DIAPH2: variants seen among roughly 807,000 people sequenced by gnomAD.
DIAPH2 encodes the protein diaphanous related formin 2, also known as protein diaphanous homolog 2.
DIAPH2 carries 35 observed loss-of-function variants against 92.7 expected under a neutral mutation model. The ratio of observed to expected loss-of-function variants is 0.38; its 90% confidence interval spans 0.29 to 0.50. The LOEUF is 0.50. Among genes scored for constraint, DIAPH2 ranks in the 20% least tolerant of loss-of-function variants. The pLI, the probability that DIAPH2 is intolerant of heterozygous loss-of-function variation, is 0.94. For synonymous variants in DIAPH2, 301 were observed against 280.4 expected (o/e 1.07, Z -0.73); for missense variants, 701 against 819.5 (o/e 0.86, Z 1.77).
chrX:97,237,077 T>A (rs976056297), intron 22 of DIAPH2, among the ~76,000 whole-genome samples: 6 of 112,377 alleles, frequency 5.3e-5, no homozygotes, highest in African/African-American at 1.6e-4. Context: ...TATAAACATA[T>A]ACTCAAAATT....
rs186357117 is a variant in DIAPH2, at chrX:96,957,301, G to A, written c.1615-527G>A. 7.7e-3 allele frequency among the ~76,000 whole-genome samples: 871 copies of A among 112,447 alleles called. 28 individuals are homozygous for A. The highest frequency in any genetic ancestry group is 0.061 in the Admixed American group (644 of 10,638). On this transcript the variant is annotated intron_variant, in intron 15 of 26. Transcript: ENST00000324765. ...CTCCCAAAGTGTTAGGATTACAGGC[G>A]TGAGCCACCGCACCTGGCTGAGACT...
rs1159049051 is a variant in DIAPH2 at position 97,125,471 on chromosome X, C to CAA, written c.2589+10533_2589+10534dup. ...TGGGTGACAGAGAGTGACTCCGTCT[C>CAA]AAAAAAAAAAAAAAAAAAAAAAAAA... On this transcript the variant is annotated intron_variant, in intron 21 of 26. Coordinates refer to ENST00000324765, the MANE Select transcript of DIAPH2 (RefSeq NM_006729.5). Among the ~76,000 whole-genome samples, 71 of 19,200 alleles carry CAA rather than the reference C, an allele frequency of 3.7e-3. 4 individuals are homozygous for CAA. The highest frequency in any genetic ancestry group is 6.5e-3 in the Non-Finnish European group (33 of 5,091). 16.7% of individuals were successfully genotyped at this position (19,200 alleles called of 115,157 possible).
chrX:97,278,100 T>C (rs1212241516), intron 23 of DIAPH2, among the ~76,000 whole-genome samples: 2 of 112,316 alleles, frequency 1.8e-5, no homozygotes, highest in Admixed American at 9.5e-5. Flanking sequence ...TGCCTCGGCC[T>C]CCCAAAGTGC....
chrX:96,985,667 T>C (rs747247038), intron 17 of DIAPH2, among the ~76,000 whole-genome samples: 1 of 111,332 alleles, frequency 9.0e-6, no homozygotes, highest in East Asian at 2.8e-4. Context: ...ATATGTGTAT[T>C]GATCATTATT....
At chrX:97,109,387 A>C (rs2066964019) in intron 20 of DIAPH2, among the ~76,000 whole-genome samples, 1 of 111,383 alleles carries the variant, frequency 9.0e-6, no homozygotes, top group Non-Finnish European at 1.9e-5. Flanking sequence ...ACCCTACAGC[A>C]CTCCAGCTTG....
intron 23 of DIAPH2, among the ~76,000 whole-genome samples, chrX:97,266,602 A>G (rs2068339083): frequency 2.7e-5 from 3 of 112,199 alleles, no homozygotes; most frequent in African/African-American, 9.7e-5. Context: ...ATTCTCTGCC[A>G]TAATCTAATT....
chrX:96,764,058 T>C (rs1211345952), intron 4 of DIAPH2, among the ~76,000 whole-genome samples: 1 of 110,686 alleles, frequency 9.0e-6, no homozygotes, highest in Admixed American at 9.7e-5. Context: ...ATTTATTTAG[T>C]GCTTATTATA....
chrX:97,011,824 G>A (rs1208539736), intron 17 of DIAPH2, among the ~76,000 whole-genome samples: 2 of 102,630 alleles, frequency 1.9e-5, no homozygotes, highest in Admixed American at 2.1e-4. Flanking sequence ...CCTGGGAGGT[G>A]GAGGTTGCAG....
intron 26 of DIAPH2, among the ~76,000 whole-genome samples, chrX:97,578,093 C>CT (rs201313921): frequency 0.038 from 3,450 of 90,764 alleles, 65 homozygotes; most frequent in Non-Finnish European, 0.055. Flanking sequence ...TGTTTTCTTT[C>CT]TTTTTTTTTT....
At chrX:97,195,571 G>C (rs1433167385) in intron 22 of DIAPH2, among the ~76,000 whole-genome samples, 1 of 106,558 alleles carries the variant, frequency 9.4e-6, no homozygotes, top group Non-Finnish European at 1.9e-5. Flanking sequence ...TGAGACAGGA[G>C]AATCGCTTGA....
At chrX:96,795,587 G>T (rs233664) in intron 4 of DIAPH2, among the ~76,000 whole-genome samples, 1 of 111,630 alleles carries the variant, frequency 9.0e-6, no homozygotes, top group African/African-American at 3.3e-5. Flanking sequence ...TCTATTTTTA[G>T]TTCTATCAGT....
chrX:96,889,539 A>T (rs1421301221), intron 5 of DIAPH2, among the ~76,000 whole-genome samples: 5 of 112,224 alleles, frequency 4.5e-5, no homozygotes, highest in African/African-American at 1.6e-4. Context: ...ACTTAATATT[A>T]TGTGGTTTGT....
chrX:96,829,963 GA>G (rs1424495284), intron 4 of DIAPH2, among the ~76,000 whole-genome samples: 5 of 108,822 alleles, frequency 4.6e-5, no homozygotes, highest in Admixed American at 9.8e-5. Context: ...GAATAGCCAG[GA>G]AAAAACTGGA....
intron 23 of DIAPH2, among the ~76,000 whole-genome samples, chrX:97,291,540 T>C (rs1288885181): frequency 9.6e-6 from 1 of 104,545 alleles, no homozygotes; most frequent in Admixed American, 1.0e-4. Flanking sequence ...AAGTAAACAC[T>C]TTTTTTTTTT....
At chrX:97,111,726 T>C (rs621055) in intron 20 of DIAPH2, among the ~76,000 whole-genome samples, 4,894 of 111,597 alleles carry the variant, frequency 0.044, 264 homozygotes, top group African/African-American at 0.15. Context: ...CAACCAATCA[T>C]ACTTACTGCT....
At chrX:96,783,928 T>A (rs752983947) in intron 4 of DIAPH2, among the ~76,000 whole-genome samples, 11 of 112,298 alleles carry the variant, frequency 9.8e-5, no homozygotes, top group Non-Finnish European at 1.7e-4. Flanking sequence ...CTATAGCAGA[T>A]TGTAACATGT....
intron 4 of DIAPH2, among the ~76,000 whole-genome samples, chrX:96,795,074 C>A (rs1020727373): frequency 1.8e-5 from 2 of 111,985 alleles, no homozygotes; most frequent in Admixed American, 9.5e-5. Flanking sequence ...TTGCAAAGAT[C>A]CTTTTTCCAA....
intron 26 of DIAPH2, among the ~76,000 whole-genome samples, chrX:97,464,091 G>A (rs988401577): frequency 9.2e-6 from 1 of 109,211 alleles, no homozygotes; most frequent in African/African-American, 3.3e-5. Flanking sequence ...AAGCAACCTT[G>A]TGGACATCCA....
chrX:97,412,251 A>C (rs2069883630), intron 25 of DIAPH2, among the ~76,000 whole-genome samples: 1 of 111,888 alleles, frequency 8.9e-6, no homozygotes. Context: ...TAAGAAACTC[A>C]CTCAAAACCA....
Sources: gnomAD v4.1 joint callset for allele counts (sites outside exome capture counted in the v4.1 genomes callset) on GRCh38, gnomAD v4.1.1 for gene constraint, MANE v1.5 for transcripts, NCBI Gene and HGNC (gene_info 2026-07-23, HGNC 2026-07-21) for gene names.